The following ACVR1C variants were observed in gnomAD, a reference collection of about 807,000 sequenced individuals.
ACVR1C encodes activin receptor type-1C.
In ACVR1C, 23 loss-of-function variants were observed where a neutral mutation model predicts 57.9. The ratio of observed to expected loss-of-function variants is 0.40; its 90% CI spans 0.29 to 0.56. The LOEUF is 0.56. ACVR1C is among the 20% of genes least tolerant of loss of function. The pLI is 0.50. For missense variants in ACVR1C, 480 were observed against 607.9 expected, an observed-to-expected ratio of 0.79 and a Z score of 2.21; for synonymous variants, 214 against 215.3, an observed-to-expected ratio of 0.99 and a Z score of 0.05.
chr2:157,552,526 T>C (rs983325053), intron 3 of ACVR1C, among the ~76,000 whole-genome samples: 2 of 152,124 alleles, frequency 1.3e-5, no homozygotes, highest in Non-Finnish European at 2.9e-5. Flanking sequence ...AATCTCAGTC[T>C]CTCCCTTCCT....
At chr2:157,538,744 TAAACA>T (rs773506058) in intron 7 of ACVR1C, 41 bp from the exon 8 acceptor site, 1 of 1,431,230 alleles carries the variant, frequency 7.0e-7, no homozygotes, top group Non-Finnish European at 9.2e-7. Flanking sequence ...GTGCAAATAA[TAAACA>T]AACATGTCTA....
chr2:157,553,839 G>A (rs1299003719), intron 3 of ACVR1C, among the ~76,000 whole-genome samples: 2 of 152,082 alleles, frequency 1.3e-5, no homozygotes, highest in African/African-American at 2.4e-5. Flanking sequence ...GCCTCAAAGT[G>A]TCAGAGTCAA....
intron 3 of ACVR1C, among the ~76,000 whole-genome samples, chr2:157,554,578 G>C (rs954351525): frequency 6.6e-6 from 1 of 152,146 alleles, no homozygotes; most frequent in Non-Finnish European, 1.5e-5. Context: ...TAAACATTTA[G>C]TCTTCGTCAG....
intron 2 of ACVR1C, among the ~76,000 whole-genome samples, chr2:157,585,937 AGTACTAGT>A (rs1688911987): frequency 6.6e-6 from 1 of 152,216 alleles, no homozygotes; most frequent in Non-Finnish European, 1.5e-5. Context: ...GGTTGGGACA[AGTACTAGT>A]GCTGGTACAT....
intron 2 of ACVR1C, among the ~76,000 whole-genome samples, chr2:157,565,235 A>C (rs1185131566): frequency 2.0e-5 from 3 of 152,182 alleles, no homozygotes. Flanking sequence ...ACATAACTGC[A>C]CTTTGATAGG....
Position 157,609,731 on chromosome 2 carries a change from T to C in ACVR1C, c.73+18841A>G, listed in dbSNP as rs374066884. On this transcript the variant is annotated intron_variant, in intron 1 of 8. Coordinates refer to ENST00000243349, the MANE Select transcript of ACVR1C (RefSeq NM_145259.3). Reference sequence around the variant, plus strand: ...TAACATTCTTTGTCTTCTTTTTTACTGTTCTTGACTTCAAGTCTCTATTAT... The same window carrying C: ...TAACATTCTTTGTCTTCTTTTTTACCGTTCTTGACTTCAAGTCTCTATTAT... Among the ~76,000 whole-genome samples the C allele has an allele frequency of 5.3e-5, 8 of 152,204 alleles. No homozygotes were observed. The South Asian group carries it at 1.0e-3, about 20-fold the overall frequency.
At chr2:157,544,069 C>T (rs1425696112) in intron 5 of ACVR1C, among the ~76,000 whole-genome samples, 3 of 133,330 alleles carry the variant, frequency 2.3e-5, no homozygotes, top group Non-Finnish European at 4.6e-5. Context: ...GACAGGGTCT[C>T]GTTCTGTCAC....
chr2:157,544,333 C>T (rs895257543), intron 5 of ACVR1C, 112 bp downstream of exon 5: 2 of 1,108,166 alleles, frequency 1.8e-6, no homozygotes, highest in African/African-American at 1.6e-5. Context: ...GTATAAGCCA[C>T]CGTGCCCAGC....
chr2:157,543,915 T>C (rs1035901089), intron 5 of ACVR1C, among the ~76,000 whole-genome samples: 1 of 152,024 alleles, frequency 6.6e-6, no homozygotes, highest in Non-Finnish European at 1.5e-5. Flanking sequence ...ATAGAACCAC[T>C]AGGAATAAAT....
intron 2 of ACVR1C, among the ~76,000 whole-genome samples, chr2:157,557,832 G>A (rs1013771026): frequency 6.6e-6 from 1 of 152,018 alleles, no homozygotes; most frequent in Admixed American, 6.6e-5. Context: ...TTGCATTTAA[G>A]AAATCTTTTT....
intron 1 of ACVR1C, among the ~76,000 whole-genome samples, chr2:157,620,105 A>C (rs1682735845): frequency 6.6e-6 from 1 of 152,082 alleles, no homozygotes; most frequent in Admixed American, 6.5e-5. Flanking sequence ...TCTCTACATA[A>C]GGGAATGCCT....
intron 1 of ACVR1C, among the ~76,000 whole-genome samples, chr2:157,616,966 A>T (rs184836682): frequency 1.0e-3 from 155 of 152,210 alleles, no homozygotes; most frequent in African/African-American, 3.5e-3. Context: ...TAGGCTACCA[A>T]TTACTATACT....
intron 1 of ACVR1C, among the ~76,000 whole-genome samples, chr2:157,617,105 G>A (rs772166367): frequency 6.6e-6 from 1 of 151,836 alleles, no homozygotes; most frequent in Non-Finnish European, 1.5e-5. Flanking sequence ...AAAGGAAAGG[G>A]AAAAAATACA....
At chr2:157,563,456 A>T (rs6741916) in intron 2 of ACVR1C, among the ~76,000 whole-genome samples, 77,525 of 152,016 alleles carry the variant, frequency 0.51, 20,826 homozygotes, top group African/African-American at 0.68. Flanking sequence ...ACTGCTCAAG[A>T]AAATAAGAGA....
intron 5 of ACVR1C, 135 bp downstream of exon 5, chr2:157,544,310 G>C (rs1687690322): frequency 5.1e-6 from 4 of 780,788 alleles, no homozygotes; most frequent in African/African-American, 3.7e-5. Flanking sequence ...CTACCAAAAT[G>C]CTGGGATTAT....
chr2:157,594,547 T>C (rs1048780867), intron 1 of ACVR1C, among the ~76,000 whole-genome samples: 21 of 152,170 alleles, frequency 1.4e-4, no homozygotes, highest in African/African-American at 4.8e-5. Context: ...TTAAAAATTG[T>C]TTATCCTGTA....
chr2:157,576,203 CTTTT>C (rs10628650), intron 2 of ACVR1C, among the ~76,000 whole-genome samples: 5 of 97,920 alleles, frequency 5.1e-5, no homozygotes, highest in African/African-American at 1.3e-4. Flanking sequence ...ATAATCATTT[CTTTT>C]TTTTTTTTTT....
chr2:157,539,872 C>A (rs1169679518), intron 7 of ACVR1C, among the ~76,000 whole-genome samples: 1 of 152,062 alleles, frequency 6.6e-6, no homozygotes, highest in East Asian at 1.9e-4. Flanking sequence ...ATAATATCAT[C>A]TATGAATAAA....
At chr2:157,554,221 A>AAGAG (rs1209038612) in intron 3 of ACVR1C, among the ~76,000 whole-genome samples, 14 of 112,854 alleles carry the variant, frequency 1.2e-4, no homozygotes, top group African/African-American at 5.6e-4. Context: ...GAAAGAAAGA[A>AAGAG]AGAAAGAAAG....
Sources: gnomAD v4.1 joint callset for allele counts (sites outside exome capture counted in the v4.1 genomes callset) on GRCh38, gnomAD v4.1.1 for gene constraint, MANE v1.5 for transcripts, NCBI Gene and HGNC (gene_info 2026-07-23, HGNC 2026-07-21) for gene names.